CD6: variants seen among roughly 807,000 people sequenced by gnomAD.
The protein encoded by CD6 is CD6 molecule, also known as T-cell differentiation antigen CD6.
CD6 carries 53 observed loss-of-function variants against 75.3 expected under a neutral mutation model. The ratio of observed to expected loss-of-function variants is 0.70; its 90% CI spans 0.56 to 0.88. The LOEUF (loss-of-function observed/expected upper bound fraction) is 0.88, where lower values mean the gene tolerates loss of function less well. Ranked by LOEUF, CD6 falls within the 40% of genes least tolerant of loss-of-function variation. The pLI is 0.00. For missense variants in CD6, 770 were observed against 897.1 expected, an observed-to-expected ratio of 0.86 and a Z score of 1.81; for synonymous variants, 359 against 381.5, an observed-to-expected ratio of 0.94 and a Z score of 0.69.
Position 60,999,469 on chromosome 11 carries a change from C to A in CD6, c.50-7105C>A, listed in dbSNP as rs149921037. ...CGGGCTCTCTGTGGGTCCTGGAAAA[C>A]CTTCAGAAGCTTAAAACATGGCGGG... On this transcript the variant is annotated intron_variant, in intron 1 of 12. Transcript: ENST00000313421. Among the ~76,000 whole-genome samples the A allele has an allele frequency of 1.3e-3, 200 of 151,128 alleles. 1 individual carries two copies. The highest frequency in any genetic ancestry group is 4.6e-3 in the African/African-American group (187 of 41,098).
intron 1 of CD6, among the ~76,000 whole-genome samples, chr11:60,974,234 G>A (rs115142480): frequency 0.013 from 1,954 of 152,262 alleles, 49 homozygotes; most frequent in African/African-American, 0.044. Context: ...CTCTGCCCTG[G>A]GACCACAGGC....
chr11:61,006,434 AAAGTTG>A (rs1749775920), intron 1 of CD6, 134 bp from the exon 2 acceptor site: 1 of 649,080 alleles, frequency 1.5e-6, no homozygotes, highest in African/African-American at 1.8e-5. Context: ...CAATGCACCC[AAAGTTG>A]AGGACCACGT....
intron 1 of CD6, among the ~76,000 whole-genome samples, chr11:60,986,861 C>T (rs1857839054): frequency 2.0e-5 from 3 of 152,186 alleles, no homozygotes; most frequent in South Asian, 2.1e-4. Context: ...GGCGCCGTGG[C>T]GCACAGCTGT....
intron 2 of CD6, among the ~76,000 whole-genome samples, chr11:61,006,952 C>T (rs116165547): frequency 0.017 from 2,570 of 152,148 alleles, 82 homozygotes; most frequent in African/African-American, 0.058. Context: ...ACTCAGCAGA[C>T]GTTTATTAAG....
In CD6 at chr11:61,009,761, G is replaced by T; in HGVS notation, c.971G>T (p.Gly324Val). 2 of 1,613,806 alleles carry T rather than the reference G, an allele frequency of 1.2e-6. No individual in the cohort carries two copies. Among genetic ancestry groups the T allele is most frequent in the Non-Finnish European group, 8.5e-7 (1 of 1,179,958 alleles). ...RPKGLPHSLS[G>V]RMYYSCNGEE... ...AAGGGGCTGCCCCACTCCTTGTCCG[G>T]CAGGATGTACTACTCATGCAATGGG... The change falls in exon 5 of 13, where the codon GGC (glycine) becomes GTC (valine). Residue 324 changes from glycine to valine, a missense_variant. Gly to Val is a moderately radical substitution (Grantham distance 109). Transcript: ENST00000313421.
chr11:60,973,790 A>C (rs1210316463), intron 1 of CD6, among the ~76,000 whole-genome samples: 2 of 152,178 alleles, frequency 1.3e-5, no homozygotes, highest in Non-Finnish European at 2.9e-5. Flanking sequence ...ATTTCAGAGC[A>C]TTAAACGCGG....
chr11:60,993,091 G>A (rs896510577), intron 1 of CD6, among the ~76,000 whole-genome samples: 9 of 152,068 alleles, frequency 5.9e-5, no homozygotes, highest in Non-Finnish European at 8.8e-5. Context: ...AAGAAGGCAC[G>A]GTCTGGCACG....
intron 1 of CD6, among the ~76,000 whole-genome samples, chr11:60,995,025 CG>C (rs1339071166): frequency 6.6e-6 from 1 of 152,206 alleles, no homozygotes; most frequent in East Asian, 1.9e-4. Context: ...TCAGCCCAAC[CG>C]GGTGTCACAG....
intron 1 of CD6, among the ~76,000 whole-genome samples, chr11:60,999,744 A>T (rs889436379): frequency 6.6e-6 from 1 of 151,684 alleles, no homozygotes; most frequent in Non-Finnish European, 1.5e-5. Flanking sequence ...TGTTTTTATT[A>T]TGCTATCAGA....
chr11:60,971,789 G>C lies in CD6; in HGVS notation c.-77G>C. 6.8e-7 allele frequency: 1 copy of C among 1,461,396 alleles called. No homozygotes were observed. The highest frequency in any genetic ancestry group is 9.5e-7 in the Non-Finnish European group (1 of 1,052,212). The allele number at this position is 1,461,396 out of a possible 1,614,324, so 90.5% of individuals were successfully genotyped here. On this transcript the variant is annotated 5_prime_UTR_variant, in exon 1 of 13. Transcript: ENST00000313421. ...CAGACCTGCGCCAGGGGCGCACAACGGCCGTGTCCACCTCCCGGCCCCAAG... is the reference window on the plus strand; with the variant it reads ...CAGACCTGCGCCAGGGGCGCACAACCGCCGTGTCCACCTCCCGGCCCCAAG...
Position 60,994,302 on chromosome 11 carries a change from G to A in CD6, c.50-12272G>A, listed in dbSNP as rs141195631. 2.4e-3 allele frequency among the ~76,000 whole-genome samples: 363 copies of A among 151,752 alleles called. 1 individual carries two copies. Among genetic ancestry groups the A allele is most frequent in the South Asian group, 0.013 (64 of 4,790 alleles). ...GTAAAATACAAAAAATTAGCCAGGCGTGGTGGCACACACCTGTAGTCCCAG... is the reference window on the plus strand; with the variant it reads ...GTAAAATACAAAAAATTAGCCAGGCATGGTGGCACACACCTGTAGTCCCAG... On this transcript the variant is annotated intron_variant, in intron 1 of 12. Transcript: ENST00000313421.
intron 1 of CD6, among the ~76,000 whole-genome samples, chr11:60,986,121 A>C (rs1356826114): frequency 6.6e-6 from 1 of 152,172 alleles, no homozygotes; most frequent in African/African-American, 2.4e-5. Context: ...TATCACTCCC[A>C]CCCAATGCTA....
intron 1 of CD6, 116 bp from the exon 2 acceptor site, chr11:61,006,458 A>G (rs1858862426): frequency 5.1e-6 from 4 of 783,798 alleles, no homozygotes; most frequent in Non-Finnish European, 8.4e-6. Flanking sequence ...CGTCTTTTCC[A>G]AAGGCCTCAT....
intron 3 of CD6, chr11:61,008,212 C>A (rs1182843150): frequency 6.7e-6 from 3 of 447,426 alleles, no homozygotes; most frequent in Non-Finnish European, 1.2e-5. Flanking sequence ...GCTTCCCTGT[C>A]CCCGCCCGCT....
intron 1 of CD6, among the ~76,000 whole-genome samples, chr11:60,984,047 C>T (rs1449519202): frequency 2.0e-5 from 3 of 152,004 alleles, no homozygotes; most frequent in African/African-American, 7.2e-5. Flanking sequence ...TCTCCATGTC[C>T]CCTCTCCGGT....
At chr11:61,006,371 G>A (rs1241164743) in intron 1 of CD6, among the ~76,000 whole-genome samples, 3 of 152,160 alleles carry the variant, frequency 2.0e-5, no homozygotes, top group East Asian at 1.9e-4. Context: ...TAGGTAAAGC[G>A]GAGGATCCTG....
intron 1 of CD6, among the ~76,000 whole-genome samples, chr11:61,006,194 C>T (rs1025459040): frequency 2.6e-5 from 4 of 152,204 alleles, no homozygotes; most frequent in African/African-American, 9.7e-5. Flanking sequence ...TGTCTCATTT[C>T]AGTCTCACAA....
intron 1 of CD6, among the ~76,000 whole-genome samples, chr11:61,004,909 G>A (rs28546162): frequency 0.13 from 20,467 of 152,272 alleles, 1,744 homozygotes; most frequent in Non-Finnish European, 0.19. Flanking sequence ...CTCAAAAGCA[G>A]GCAGACGTCT....
chr11:61,018,293 GC>G lies in CD6; in HGVS notation c.1847del (p.Pro616ArgfsTer165). 1 of 1,597,896 alleles carries G rather than the reference GC, an allele frequency of 6.3e-7. No homozygotes were observed. The highest frequency in any genetic ancestry group is 8.5e-7 in the Non-Finnish European group (1 of 1,172,406). On this transcript the variant is annotated frameshift_variant, in exon 12 of 13. Coordinates refer to ENST00000313421, the MANE Select transcript of CD6 (RefSeq NM_006725.5). LOFTEE classifies it high-confidence loss of function. ...ACTGGTTCTGGGGGTTTCCAGCAGGGCCCCCGGCTGATGACAGCTCCAGCAC... is the reference window on the plus strand; with the variant it reads ...ACTGGTTCTGGGGGTTTCCAGCAGGGCCCCGGCTGATGACAGCTCCAGCAC... ...AGTQPAFSAGPPADDSSSTSS... is the reference protein window; with the variant it reads ...AGTQPAFSAGXPADDSSSTSS...
Sources: gnomAD v4.1 joint callset for allele counts (sites outside exome capture counted in the v4.1 genomes callset) on GRCh38, gnomAD v4.1.1 for gene constraint, MANE v1.5 for transcripts, NCBI Gene and HGNC (gene_info 2026-07-23, HGNC 2026-07-21) for gene names.